The following MYO18B variants were observed in gnomAD, a reference collection of about 807,000 sequenced individuals.
MYO18B encodes unconventional myosin-XVIIIb.
MYO18B carries 204 observed loss-of-function variants against 273.0 expected under a neutral mutation model. The ratio of observed to expected loss-of-function variants is 0.75; its 90% CI spans 0.67 to 0.84. The LOEUF is 0.84. MYO18B is among the 40% of genes least tolerant of loss of function. MYO18B has a pLI of 0.00. For synonymous variants in MYO18B, 1,330 were observed against 1,305.7 expected (o/e 1.02, Z -0.40); for missense variants, 3,212 against 3,287.6 (o/e 0.98, Z 0.56).
At chr22:25,772,268 G>A in intron 6 of MYO18B, 66 bp from the exon 7 acceptor site, 1 of 1,511,346 alleles carries the variant, frequency 6.6e-7, no homozygotes, top group South Asian at 1.3e-5. Context: ...TTGCGGGGGG[G>A]TGGGGTGGGG....
intron 24 of MYO18B, 43 bp downstream of exon 24, chr22:25,876,375 A>C (rs1601432762): frequency 6.4e-7 from 1 of 1,560,798 alleles, no homozygotes; most frequent in Non-Finnish European, 8.7e-7. Flanking sequence ...GCTACTCCCC[A>C]CACCCTGCTC....
the MYO18B span, among the ~76,000 whole-genome samples, chr22:26,058,307 G>A: frequency 6.6e-6 from 1 of 152,288 alleles, no homozygotes; most frequent in Non-Finnish European, 1.5e-5. Context: ...GGACCACCTT[G>A]AGGGGACGGG....
chr22:25,888,393 CT>C (rs1042780350), intron 25 of MYO18B, among the ~76,000 whole-genome samples: 3 of 152,176 alleles, frequency 2.0e-5, no homozygotes, highest in Non-Finnish European at 4.4e-5. Flanking sequence ...TCCAGAGCAG[CT>C]GGGACTATAG....
At chr22:25,938,300 T>C (rs1486363954) in intron 34 of MYO18B, among the ~76,000 whole-genome samples, 2 of 152,242 alleles carry the variant, frequency 1.3e-5, no homozygotes, top group Non-Finnish European at 2.9e-5. Context: ...GAAGTAATGC[T>C]ATTCAACAGT....
intron 39 of MYO18B, among the ~76,000 whole-genome samples, chr22:25,961,212 C>G (rs550371527): frequency 6.7e-5 from 10 of 149,010 alleles, no homozygotes; most frequent in African/African-American, 2.2e-4. Flanking sequence ...ACAGAGCTAG[C>G]CTCCATCTAA....
At chr22:25,890,713 C>T (rs766349299) in intron 25 of MYO18B, 43 bp from the exon 26 acceptor site, 1 of 1,607,966 alleles carries the variant, frequency 6.2e-7, no homozygotes, top group Non-Finnish European at 8.5e-7. Flanking sequence ...GTTGGTGGCT[C>T]CATCGAGTGA....
At chr22:25,891,728 A>G (rs1452829206) in intron 27 of MYO18B, among the ~76,000 whole-genome samples, 1 of 152,228 alleles carries the variant, frequency 6.6e-6, no homozygotes, top group Non-Finnish European at 1.5e-5. Context: ...TGAATATTTT[A>G]AAAATAAATT....
intron 17 of MYO18B, among the ~76,000 whole-genome samples, chr22:25,836,428 A>G (rs1485201964): frequency 6.6e-6 from 1 of 152,136 alleles, no homozygotes; most frequent in Non-Finnish European, 1.5e-5. Flanking sequence ...GATGGAGAAC[A>G]TGATTCTGGG....
At chr22:25,997,423 C>T (rs905126555) in intron 40 of MYO18B, among the ~76,000 whole-genome samples, 35 of 152,058 alleles carry the variant, frequency 2.3e-4, no homozygotes, top group Non-Finnish European at 4.1e-4. Flanking sequence ...AATGCAGGCC[C>T]TTCTGGGCAT....
chr22:25,923,624 T>C (rs1222427912), intron 34 of MYO18B, among the ~76,000 whole-genome samples: 7 of 152,344 alleles, frequency 4.6e-5, no homozygotes, highest in Admixed American at 2.6e-4. Context: ...TGCGTCTTCC[T>C]GTCTGCTTGG....
intron 6 of MYO18B, 65 bp downstream of exon 6, chr22:25,771,049 C>G: frequency 9.1e-7 from 1 of 1,100,594 alleles, no homozygotes. Context: ...CAGCTCCATA[C>G]CCTCCTTCCC....
chr22:25,768,583 G>A lies in MYO18B; in HGVS notation c.667G>A (p.Asp223Asn). Reference protein sequence around the residue: ...AEKTRTGGLGDPGQGTVALKK... With the variant: ...AEKTRTGGLGNPGQGTVALKK... ...GAAGACCCGGACTGGGGGTCTTGGG[G>A]ACCCAGGCCAAGGAACTGTGGCACT... is the stretch of plus-strand genomic sequence containing the variant. The change falls in exon 4 of 44, where the codon GAC (aspartate) becomes AAC (asparagine). Residue 223 changes from aspartate to asparagine, a missense_variant. Asp to Asn is a conservative substitution (Grantham distance 23). Coordinates refer to ENST00000335473, the MANE Select transcript of MYO18B (RefSeq NM_032608.7). The A allele has an allele frequency of 6.5e-7, 1 of 1,531,614 alleles. No individual in the cohort carries two copies. 94.9% of individuals were successfully genotyped at this position (1,531,614 alleles called of 1,614,324 possible).
chr22:25,984,116 G>C (rs1421151627), intron 39 of MYO18B, among the ~76,000 whole-genome samples: 1 of 149,708 alleles, frequency 6.7e-6, no homozygotes, highest in African/African-American at 2.5e-5. Flanking sequence ...AGGTAGGTGA[G>C]GTGTACACAA....
chr22:26,052,796 T>G, the MYO18B span, among the ~76,000 whole-genome samples: 112 of 142,282 alleles, frequency 7.9e-4, 1 homozygote, highest in African/African-American at 2.7e-3. Flanking sequence ...AATTGGGTGG[T>G]TTTTTTTTTT....
intron 12 of MYO18B, among the ~76,000 whole-genome samples, chr22:25,819,506 C>G (rs184754679): frequency 2.8e-4 from 43 of 151,752 alleles, no homozygotes; most frequent in African/African-American, 1.0e-3. Context: ...GCCTTTAATG[C>G]CTCTCTCTAA....
At chr22:25,913,993 A>T (rs1275246206) in intron 33 of MYO18B, among the ~76,000 whole-genome samples, 2 of 152,212 alleles carry the variant, frequency 1.3e-5, no homozygotes, top group African/African-American at 4.8e-5. Flanking sequence ...TAGGTCTCTA[A>T]TCCATCTAGA....
intron 42 of MYO18B, among the ~76,000 whole-genome samples, chr22:26,015,226 G>A (rs923101561): frequency 1.3e-5 from 2 of 152,176 alleles, no homozygotes; most frequent in South Asian, 2.1e-4. Flanking sequence ...CTTGACTATT[G>A]TAGAAAACAG....
At chr22:25,797,918 G>A (rs1353183915) in intron 11 of MYO18B, 35 bp from the exon 12 acceptor site, 3 of 1,613,758 alleles carry the variant, frequency 1.9e-6, no homozygotes, top group Admixed American at 3.3e-5. Context: ...CCATCGCGAT[G>A]GCCTTGTTTT....
intron 36 of MYO18B, among the ~76,000 whole-genome samples, chr22:25,949,481 A>T (rs1185194910): frequency 6.6e-6 from 1 of 152,224 alleles, no homozygotes; most frequent in Non-Finnish European, 1.5e-5. Flanking sequence ...TAATGACTGC[A>T]TAATGGGGAG....
Sources: allele counts gnomAD v4.1 joint callset (sites outside exome capture counted in the v4.1 genomes callset), GRCh38; gene constraint gnomAD v4.1.1; transcripts MANE v1.5; gene names NCBI Gene and HGNC (gene_info 2026-07-23, HGNC 2026-07-21).